Variants in PUM2 observed in about 807,000 individuals in gnomAD.
PUM2 encodes the protein pumilio RNA binding family member 2, also known as pumilio homolog 2.
Under a neutral mutation model 124.5 loss-of-function variants are expected in PUM2, and 57 were observed. The ratio of observed to expected loss-of-function variants is 0.46; its 90% confidence interval spans 0.37 to 0.57. The LOEUF is 0.57. Ranked by LOEUF, PUM2 falls within the 20% of genes least tolerant of loss-of-function variation. PUM2 has a pLI of 0.00. For missense variants in PUM2, 1,065 were observed against 1,290.6 expected, an observed-to-expected ratio of 0.83 and a Z score of 2.68; for synonymous variants, 460 against 446.1, an observed-to-expected ratio of 1.03 and a Z score of -0.39.
intron 9 of PUM2, among the ~76,000 whole-genome samples, chr2:20,292,727 T>C (rs1403662143): frequency 6.6e-6 from 1 of 152,070 alleles, no homozygotes; most frequent in Non-Finnish European, 1.5e-5. Context: ...GGTCGGGAGT[T>C]CAAGACCAGC....
At chr2:20,298,483 G>T (rs1389089709) in intron 7 of PUM2, among the ~76,000 whole-genome samples, 2 of 152,172 alleles carry the variant, frequency 1.3e-5, no homozygotes, top group Non-Finnish European at 2.9e-5. Context: ...AAAGAGAGAA[G>T]AAACTCTCAG....
At chr2:20,290,544 G>A (rs559736604) in intron 10 of PUM2, 108 bp downstream of exon 10, 2 of 1,185,342 alleles carry the variant, frequency 1.7e-6, no homozygotes, top group South Asian at 1.8e-5. Context: ...TTTGTTACAA[G>A]GTAGGCAAGA....
At position 20,283,157 on chromosome 2, in the gene PUM2, T is replaced by C. The variant is rs551240638; in HGVS notation, c.1510A>G (p.Thr504Ala). The C allele has an allele frequency of 7.4e-6, 12 of 1,614,120 alleles. No individual in the cohort carries two copies. In the Admixed American group the frequency reaches 1.7e-4, roughly 22 times the overall value. The change falls in exon 12 of 21, where the codon ACT becomes GCT. Residue 504 changes from threonine (T) to alanine (A), a missense_variant. By Grantham distance (58) the Thr-to-Ala change is moderately conservative (BLOSUM62 0). This residue lies in a region of PUM2 where 968 missense variants were observed against 1,159.8 expected (regional missense o/e 0.83). Coordinates refer to ENST00000361078, the MANE Select transcript of PUM2 (RefSeq NM_015317.5). ...TGTTGCTGCTGCTGTGGTGGCTGAG[T>C]GCCAATTGGCCGAAACAGACCATTT... ...STNGLFRPIG[T>A]QPPQQQQQQP...
In PUM2 at chr2:20,283,234, G is replaced by C; in HGVS notation, c.1436-3C>G. 2 of 1,610,418 alleles carry C rather than the reference G, an allele frequency of 1.2e-6. No homozygotes were observed. Among genetic ancestry groups the C allele is most frequent in the African/African-American group, 1.3e-5 (1 of 74,828 alleles). On this transcript the variant is annotated splice_region_variant and splice_polypyrimidine_tract_variant and intron_variant, in intron 11 of 20. Transcript: ENST00000361078. ...TCCTCCAGCTGCTGCTGCTGCTGCTGTAAAATAAATTTCAGATACTTCTTT... is the reference window on the plus strand; with the variant it reads ...TCCTCCAGCTGCTGCTGCTGCTGCTCTAAAATAAATTTCAGATACTTCTTT...
chr2:20,300,786 A>AG (rs752749516), intron 7 of PUM2, among the ~76,000 whole-genome samples: 38 of 147,044 alleles, frequency 2.6e-4, no homozygotes, highest in Middle Eastern at 3.5e-3. Context: ...AGATTGAAAG[A>AG]GAAAAAAAAA....
chr2:20,327,653 C>G (rs1415318013), intron 1 of PUM2, among the ~76,000 whole-genome samples: 1 of 152,176 alleles, frequency 6.6e-6, no homozygotes, highest in Non-Finnish European at 1.5e-5. Flanking sequence ...AACTGGAGAA[C>G]AGTCTATACT....
At chr2:20,267,757 T>C (rs1311342762) in intron 13 of PUM2, among the ~76,000 whole-genome samples, 1 of 152,186 alleles carries the variant, frequency 6.6e-6, no homozygotes, top group Non-Finnish European at 1.5e-5. Context: ...GACATGCAGC[T>C]AGTCAGCCAA....
chr2:20,274,770 A>AG (rs1487115403), intron 13 of PUM2, among the ~76,000 whole-genome samples: 1 of 151,700 alleles, frequency 6.6e-6, no homozygotes, highest in Non-Finnish European at 1.5e-5. Flanking sequence ...CTTTATACCT[A>AG]GTAAGTTCCA....
chr2:20,255,843 G>C (rs755553699), intron 17 of PUM2, among the ~76,000 whole-genome samples, 190 bp downstream of exon 17: 18 of 152,024 alleles, frequency 1.2e-4, no homozygotes, highest in Non-Finnish European at 2.5e-4. Context: ...TATTTGTTTT[G>C]CAGCTTCAGA....
At chr2:20,338,610 G>A (rs1057124143) in intron 1 of PUM2, among the ~76,000 whole-genome samples, 7 of 151,884 alleles carry the variant, frequency 4.6e-5, no homozygotes, top group African/African-American at 1.7e-4. Flanking sequence ...CTCTAAATCA[G>A]AACTAGGAAA....
chr2:20,249,600 T>C lies in PUM2; in HGVS notation c.*1985A>G, dbSNP rs1483683608. ...TGCCATTATTTTTAGGTTCATAATATGAACAACTAAGTGATAAAACCTTTA... is the reference window on the plus strand; with the variant it reads ...TGCCATTATTTTTAGGTTCATAATACGAACAACTAAGTGATAAAACCTTTA... On this transcript the variant is annotated 3_prime_UTR_variant, in exon 21 of 21. Transcript: ENST00000361078. 2.6e-5 allele frequency: 4 copies of C among 152,652 alleles called. No homozygotes were observed. The highest frequency in any genetic ancestry group is 4.4e-5 in the Non-Finnish European group (3 of 68,032). The allele number at this position is 152,652 out of a possible 1,614,324, so 9.5% of individuals were successfully genotyped here. A position where few individuals can be genotyped will look rare whatever the true frequency, so the allele number is the denominator to read the frequency against.
chr2:20,299,294 T>C (rs1350219383), intron 7 of PUM2, among the ~76,000 whole-genome samples: 1 of 152,060 alleles, frequency 6.6e-6, no homozygotes, highest in Non-Finnish European at 1.5e-5. Context: ...TGTCTCCTGC[T>C]TGGTGTGTGG....
intron 2 of PUM2, chr2:20,326,393 G>C (rs1374033941): frequency 7.7e-7 from 1 of 1,304,240 alleles, no homozygotes; most frequent in South Asian, 1.2e-5. Flanking sequence ...CATCTGAAGA[G>C]CACAGCATTG....
At chr2:20,341,917 G>A (rs1377744880) in intron 1 of PUM2, among the ~76,000 whole-genome samples, 1 of 152,024 alleles carries the variant, frequency 6.6e-6, no homozygotes, top group African/African-American at 2.4e-5. Flanking sequence ...ATCACTTGCG[G>A]TCATGAGTTC....
In PUM2 at chr2:20,258,258, A is replaced by C. The variant is rs1201637763; in HGVS notation, c.2469T>G (p.Ile823Met). Residue 823 changes from isoleucine (I) to methionine (M), a missense_variant, in exon 16 of 21, where the codon ATT becomes ATG. Ile to Met is a conservative substitution (Grantham distance 10). Coordinates refer to ENST00000361078, the MANE Select transcript of PUM2 (RefSeq NM_015317.5). Reference sequence around the variant, plus strand: ...TTACAATTACCTGCTGGTCAGAAGAAATAGATTCTAATGCTTTCTGAATAA... The same window carrying C: ...TTACAATTACCTGCTGGTCAGAAGACATAGATTCTAATGCTTTCTGAATAA... ...CRVIQKALES[I>M]SSDQQSEMVK... 1 of 1,600,976 alleles carries C rather than the reference A, an allele frequency of 6.2e-7. No individual in the cohort carries two copies. Among genetic ancestry groups the C allele is most frequent in the South Asian group, 1.1e-5 (1 of 88,628 alleles).
At chr2:20,284,150 T>G (rs920433351) in intron 10 of PUM2, among the ~76,000 whole-genome samples, 4 of 152,200 alleles carry the variant, frequency 2.6e-5, no homozygotes, top group African/African-American at 4.8e-5. Context: ...TTTAAGTAAG[T>G]ATTTTGTTAA....
intron 3 of PUM2, among the ~76,000 whole-genome samples, chr2:20,314,771 T>C (rs536135107): frequency 2.6e-5 from 4 of 152,354 alleles, no homozygotes; most frequent in Admixed American, 6.5e-5. Flanking sequence ...AGTTGAAATA[T>C]TGATTCATTC....
At chr2:20,319,364 T>C (rs1488422937) in intron 2 of PUM2, among the ~76,000 whole-genome samples, 1 of 152,234 alleles carries the variant, frequency 6.6e-6, no homozygotes, top group African/African-American at 2.4e-5. Context: ...ATATGTTTGT[T>C]TGAGAAGAAC....
At chr2:20,290,595 T>C (rs2148132613) in intron 10 of PUM2, 57 bp downstream of exon 10, 2 of 1,520,496 alleles carry the variant, frequency 1.3e-6, no homozygotes, top group East Asian at 4.6e-5. Context: ...TCAGTGTGAG[T>C]ACCTACACTT....
Sources: gnomAD v4.1 joint callset for allele counts (sites outside exome capture counted in the v4.1 genomes callset) on GRCh38, gnomAD v4.1.1 for gene constraint, gnomAD v4.1.1 regional missense constraint, MANE v1.5 for transcripts, NCBI Gene and HGNC (gene_info 2026-07-23, HGNC 2026-07-21) for gene names.